The following KCNQ5 variants were observed in gnomAD, a reference collection of about 807,000 sequenced individuals.
KCNQ5 encodes the protein potassium voltage-gated channel subfamily Q member 5.
A neutral mutation model predicts 98.2 loss-of-function variants in KCNQ5; 30 were observed. The observed-to-expected ratio is 0.31, with a 90% confidence interval of 0.23 to 0.41. KCNQ5 has a LOEUF of 0.41. Ranked by LOEUF, KCNQ5 falls within the 10% of genes least tolerant of loss-of-function variation. The probability of loss-of-function intolerance (pLI) is 1.00; values close to 1 mark genes in which losing one functional copy is unlikely to be tolerated. For missense variants in KCNQ5, 835 were observed against 1,182.5 expected (o/e 0.71, Z 4.31); for synonymous variants, 458 against 449.4 (o/e 1.02, Z -0.24).
chr6:72,887,484 C>CA (rs2150179217), intron 1 of KCNQ5, among the ~76,000 whole-genome samples: 1 of 152,050 alleles, frequency 6.6e-6, no homozygotes, highest in South Asian at 2.1e-4. Context: ...ACAGCCAAAC[C>CA]ATATCAGAAG....
intron 1 of KCNQ5, among the ~76,000 whole-genome samples, chr6:72,910,133 A>C (rs1220697455): frequency 6.6e-6 from 1 of 152,180 alleles, no homozygotes; most frequent in African/African-American, 2.4e-5. Context: ...CCAGTTTGTG[A>C]ATACACCTAA....
Position 72,622,293 on chromosome 6 carries a change from G to C in KCNQ5, c.104G>C (p.Gly35Ala), listed in dbSNP as rs866661598. The part of the protein sequence containing the change: ...AAAGGGRLGS[G>A]MKDVESGRGR... ...GCGGGCGGGGGGCGCTTGGGCAGCG[G>C]CATGAAGGATGTGGAGTCCGGCCGG... Residue 35 changes from glycine (G) to alanine (A), a missense_variant, in exon 1 of 14, where the codon GGC (glycine) becomes GCC (alanine). Gly to Ala is a moderately conservative substitution (Grantham distance 60). This residue lies in a region of KCNQ5 where 80 missense variants were observed against 72.3 expected (regional missense o/e 1.11). Coordinates refer to ENST00000370398, the MANE Select transcript of KCNQ5 (RefSeq NM_019842.4). The surrounding 1 kb of genome is among the most constrained non-coding windows in gnomAD (Gnocchi z 6.0). The C allele has an allele frequency of 1.6e-5, 21 of 1,320,806 alleles. No homozygotes were observed. Among genetic ancestry groups the C allele is most frequent in the Non-Finnish European group, 1.9e-5 (20 of 1,039,178 alleles). 81.8% of individuals were successfully genotyped at this position (1,320,806 alleles called of 1,614,324 possible).
At chr6:73,185,335 T>C (rs1562224965) in intron 11 of KCNQ5, among the ~76,000 whole-genome samples, 2 of 151,932 alleles carry the variant, frequency 1.3e-5, no homozygotes, top group African/African-American at 2.4e-5. Context: ...GCATGTGCCA[T>C]CATGCATGGT....
intron 10 of KCNQ5, among the ~76,000 whole-genome samples, chr6:73,158,299 C>T (rs1777463979): frequency 1.4e-5 from 2 of 145,952 alleles, no homozygotes; most frequent in African/African-American, 2.5e-5. Context: ...GACGGAGTCT[C>T]CCTCTGTCGC....
At chr6:72,644,318 T>C (rs1430128953) in intron 1 of KCNQ5, among the ~76,000 whole-genome samples, 1 of 152,184 alleles carries the variant, frequency 6.6e-6, no homozygotes, top group Non-Finnish European at 1.5e-5. Flanking sequence ...AACTCACAGT[T>C]TGTAAGTCAT....
intron 10 of KCNQ5, among the ~76,000 whole-genome samples, chr6:73,154,263 G>A (rs1033102426): frequency 6.6e-6 from 1 of 152,182 alleles, no homozygotes. Flanking sequence ...AAACTCACTT[G>A]TAAGCTATTA....
intron 1 of KCNQ5, among the ~76,000 whole-genome samples, chr6:72,794,489 G>A (rs1368782049): frequency 6.6e-6 from 1 of 152,186 alleles, no homozygotes; most frequent in Non-Finnish European, 1.5e-5. Flanking sequence ...CATTTTTCAA[G>A]TGTTGGCTAA....
intron 1 of KCNQ5, among the ~76,000 whole-genome samples, chr6:72,951,866 A>G (rs1346678314): frequency 6.6e-6 from 1 of 152,198 alleles, no homozygotes; most frequent in African/African-American, 2.4e-5. Context: ...TACTTCTAGA[A>G]CTTCATCTTC....
intron 3 of KCNQ5, among the ~76,000 whole-genome samples, chr6:73,063,397 G>A (rs943920194): frequency 6.6e-5 from 10 of 152,022 alleles, no homozygotes; most frequent in Non-Finnish European, 1.0e-4. Flanking sequence ...GTAATTTATC[G>A]CATTATCTTG....
chr6:72,805,186 C>T (rs1308008033), intron 1 of KCNQ5, among the ~76,000 whole-genome samples: 2 of 152,022 alleles, frequency 1.3e-5, no homozygotes, highest in Non-Finnish European at 2.9e-5. Flanking sequence ...CCCATTTGTC[C>T]ATTTTTGCTT....
At chr6:72,851,579 A>G (rs1011386852) in intron 1 of KCNQ5, among the ~76,000 whole-genome samples, 3 of 152,138 alleles carry the variant, frequency 2.0e-5, no homozygotes, top group Non-Finnish European at 4.4e-5. Flanking sequence ...TGAAGAAGGC[A>G]TGTAGAAGGC....
chr6:72,674,247 T>A (rs1375351010), intron 1 of KCNQ5, among the ~76,000 whole-genome samples: 1 of 152,108 alleles, frequency 6.6e-6, no homozygotes, highest in African/African-American at 2.4e-5. Context: ...ATTTCCCATT[T>A]TTCCAAAGCC....
chr6:72,653,081 A>G (rs1409361627), intron 1 of KCNQ5, among the ~76,000 whole-genome samples: 3 of 152,174 alleles, frequency 2.0e-5, no homozygotes, highest in South Asian at 2.1e-4. Flanking sequence ...TGTTTATTCC[A>G]TAAGAGTGGC....
intron 1 of KCNQ5, among the ~76,000 whole-genome samples, chr6:72,906,673 C>T (rs879861052): frequency 7.2e-5 from 11 of 152,214 alleles, no homozygotes; most frequent in Non-Finnish European, 1.6e-4. Flanking sequence ...TTTAGTTTCC[C>T]CAGTGGGGAT....
chr6:72,724,978 A>G (rs184148619), intron 1 of KCNQ5, among the ~76,000 whole-genome samples: 2 of 152,344 alleles, frequency 1.3e-5, no homozygotes, highest in Middle Eastern at 3.4e-3. Context: ...ACAATTCAAC[A>G]TAATTCTAAT....
chr6:73,126,915 T>G (rs190642008), intron 9 of KCNQ5, among the ~76,000 whole-genome samples: 1 of 151,686 alleles, frequency 6.6e-6, no homozygotes, highest in Non-Finnish European at 1.5e-5. Context: ...TGGGAAGAGA[T>G]AAAACACCAA....
At chr6:73,095,423 C>A (rs559953850) in intron 5 of KCNQ5, among the ~76,000 whole-genome samples, 1 of 152,280 alleles carries the variant, frequency 6.6e-6, no homozygotes, top group East Asian at 1.9e-4. Flanking sequence ...CTTTTTCAGG[C>A]AAATCAGGGA....
At chr6:73,084,124 A>T (rs574128634) in intron 5 of KCNQ5, among the ~76,000 whole-genome samples, 1 of 152,336 alleles carries the variant, frequency 6.6e-6, no homozygotes, top group South Asian at 2.1e-4. Flanking sequence ...ACTGGGTTTA[A>T]TTCCAGCACC....
In KCNQ5 at chr6:73,018,024, A is replaced by C. The variant is rs377054224; in HGVS notation, c.489+14026A>C. 1.3e-4 allele frequency among the ~76,000 whole-genome samples: 20 copies of C among 152,290 alleles called. No individual in the cohort carries two copies. In the East Asian group the frequency reaches 3.5e-3, roughly 26 times the overall value. On this transcript the variant is annotated intron_variant, in intron 2 of 13. Coordinates refer to ENST00000370398, the MANE Select transcript of KCNQ5 (RefSeq NM_019842.4). ...GTTATTTTTTAAATCAGGTGAAATCAAGTATGAATAACATCAAATGCAACC... is the reference window on the plus strand; with the variant it reads ...GTTATTTTTTAAATCAGGTGAAATCCAGTATGAATAACATCAAATGCAACC...
Sources: allele counts gnomAD v4.1 joint callset (sites outside exome capture counted in the v4.1 genomes callset), GRCh38; gene constraint gnomAD v4.1.1; regional missense constraint gnomAD v4.1.1; non-coding constraint Gnocchi (gnomAD v3.1); transcripts MANE v1.5; gene names NCBI Gene and HGNC (gene_info 2026-07-23, HGNC 2026-07-21).